The following EML4 variants were observed in gnomAD, a reference collection of about 807,000 sequenced individuals.
The protein encoded by EML4 is EMAP like 4, also known as echinoderm microtubule-associated protein-like 4.
A neutral mutation model predicts 129.0 loss-of-function variants in EML4; 72 were observed. The observed-to-expected ratio is 0.56, with a 90% CI of 0.46 to 0.68. EML4 has a LOEUF of 0.68. Among genes scored for constraint, EML4 ranks in the 30% least tolerant of loss-of-function variants. The probability of loss-of-function intolerance (pLI) is 0.00; values close to 1 mark genes in which losing one functional copy is unlikely to be tolerated. For missense variants in EML4, 1,363 were observed against 1,190.6 expected (o/e 1.14, Z -2.13); for synonymous variants, 532 against 405.0 (o/e 1.31, Z -3.77).
intron 1 of EML4, among the ~76,000 whole-genome samples, chr2:42,214,268 C>G (rs993203859): frequency 6.6e-6 from 1 of 152,050 alleles, no homozygotes; most frequent in Non-Finnish European, 1.5e-5. Flanking sequence ...TGAATATCAT[C>G]CAAAGTATAA....
intron 6 of EML4, chr2:42,265,039 C>A: frequency 8.1e-7 from 1 of 1,237,150 alleles, no homozygotes; most frequent in African/African-American, 1.5e-5. Flanking sequence ...TGCTGCCTGA[C>A]TTTCTTCCTT....
chr2:42,294,429 C>G (rs944302435), intron 11 of EML4, among the ~76,000 whole-genome samples: 1 of 152,236 alleles, frequency 6.6e-6, no homozygotes, highest in Non-Finnish European at 1.5e-5. Context: ...GGCGCAATGG[C>G]TCATGCCTGT....
rs372183473 is a variant in EML4, at chr2:42,295,179, A to G, written c.1273A>G (p.Ile425Val). ...GTTTCACCCAACAGATGCAAATACC[A>G]TAATTACATGCGGTAAATCTCATAT... ...VEFHPTDANT[I>V]ITCGKSHIFF... The change falls in exon 12 of 23, where the codon ATA (isoleucine) becomes GTA (valine). Residue 425 changes from isoleucine to valine, a missense_variant. Physicochemically the swap from Ile to Val is conservative, Grantham distance 29. Transcript: ENST00000318522. 13 of 1,612,986 alleles carry G rather than the reference A, an allele frequency of 8.1e-6. No individual in the cohort carries two copies. The East Asian group carries it at 1.8e-4, about 22-fold the overall frequency.
chr2:42,320,417 C>G (rs1430591797), intron 19 of EML4, among the ~76,000 whole-genome samples: 1 of 151,818 alleles, frequency 6.6e-6, no homozygotes, highest in Non-Finnish European at 1.5e-5. Context: ...TGTTAAGTAA[C>G]TTCAGAAAAG....
intron 1 of EML4, among the ~76,000 whole-genome samples, chr2:42,204,734 GT>G (rs1050068341): frequency 1.3e-5 from 2 of 152,120 alleles, no homozygotes; most frequent in Admixed American, 1.3e-4. Context: ...TGCTGTATTT[GT>G]TTTTTCTCCC....
intron 1 of EML4, among the ~76,000 whole-genome samples, chr2:42,223,821 A>G (rs2104131750): frequency 6.6e-6 from 1 of 152,280 alleles, no homozygotes; most frequent in Admixed American, 6.5e-5. Flanking sequence ...ATATTATGAA[A>G]AAGTTGAAGT....
At chr2:42,285,899 G>C in intron 9 of EML4, 2 of 222,660 alleles carry the variant, frequency 9.0e-6, no homozygotes, top group South Asian at 1.4e-4. Context: ...GTGCCTGGCC[G>C]ACTCAACCTT....
rs765053633 is a variant in EML4, at chr2:42,329,718, G to A, written c.2473-16G>A. ...ATGAGTTTAATTTTCCTGTCTGTCT[G>A]ATTTATTTCATATAGGCTCCCAGTC... On this transcript the variant is annotated splice_polypyrimidine_tract_variant and intron_variant, in intron 22 of 22. Coordinates refer to ENST00000318522, the MANE Select transcript of EML4 (RefSeq NM_019063.5). The A allele has an allele frequency of 2.5e-6, 4 of 1,603,506 alleles. No individual in the cohort carries two copies. The highest frequency in any genetic ancestry group is 2.7e-5 in the African/African-American group (2 of 74,600).
At chr2:42,171,757 G>T (rs2103780390) in intron 1 of EML4, among the ~76,000 whole-genome samples, 1 of 152,252 alleles carries the variant, frequency 6.6e-6, no homozygotes, top group South Asian at 2.1e-4. Flanking sequence ...AGTATTTCTG[G>T]AGCTGTTCTT....
chr2:42,271,355 C>G (rs7591038), intron 6 of EML4, among the ~76,000 whole-genome samples: 1,759 of 152,266 alleles, frequency 0.012, 34 homozygotes, highest in African/African-American at 0.04. Flanking sequence ...GGCCGCTGGT[C>G]TCGCCATCTG....
chr2:42,264,559 A>G, intron 5 of EML4, 147 bp from the exon 6 acceptor site: 3 of 619,724 alleles, frequency 4.8e-6, no homozygotes, highest in Non-Finnish European at 8.7e-6. Flanking sequence ...GAGAAACTTT[A>G]AAAAATGCTG....
chr2:42,178,079 T>C (rs1301559433), intron 1 of EML4, among the ~76,000 whole-genome samples: 1 of 152,182 alleles, frequency 6.6e-6, no homozygotes, highest in East Asian at 1.9e-4. Context: ...TTGACAAGTT[T>C]TTAGAATCTG....
At chr2:42,234,252 C>T (rs1674523026) in intron 1 of EML4, among the ~76,000 whole-genome samples, 1 of 152,166 alleles carries the variant, frequency 6.6e-6, no homozygotes, top group South Asian at 2.1e-4. Context: ...TGTGGTAGGC[C>T]ATCTGGACTG....
intron 6 of EML4, among the ~76,000 whole-genome samples, chr2:42,273,815 G>A (rs532342412): frequency 6.6e-5 from 10 of 152,046 alleles, no homozygotes; most frequent in African/African-American, 1.9e-4. Flanking sequence ...AGTTTATTTG[G>A]TTATCTACAT....
intron 1 of EML4, among the ~76,000 whole-genome samples, chr2:42,174,016 C>CT (rs1356982903): frequency 6.6e-6 from 1 of 152,142 alleles, no homozygotes; most frequent in African/African-American, 2.4e-5. Context: ...CTCTGCAGAG[C>CT]TTGGCTTTTT....
chr2:42,285,888 C>T (rs1323148946), intron 9 of EML4: 4 of 218,952 alleles, frequency 1.8e-5, no homozygotes, highest in South Asian at 6.9e-5. Context: ...TGTGGGCCCC[C>T]GTGCCTGGCC....
At chr2:42,308,985 T>C (rs145510702) in intron 17 of EML4, among the ~76,000 whole-genome samples, 1 of 152,242 alleles carries the variant, frequency 6.6e-6, no homozygotes, top group South Asian at 2.1e-4. Context: ...ACATAGGGGT[T>C]ATTTCCACTT....
intron 1 of EML4, among the ~76,000 whole-genome samples, chr2:42,204,929 T>A (rs1212632440): frequency 6.6e-6 from 1 of 152,144 alleles, no homozygotes; most frequent in Non-Finnish European, 1.5e-5. Context: ...GATTATGGGG[T>A]CCCTTTAATA....
intron 16 of EML4, 48 bp from the exon 17 acceptor site, chr2:42,304,436 G>T: frequency 2.0e-6 from 3 of 1,474,744 alleles, no homozygotes; most frequent in Non-Finnish European, 2.8e-6. Flanking sequence ...TGTCCCCATA[G>T]GGAGACTTTC....
Sources: allele counts gnomAD v4.1 joint callset (sites outside exome capture counted in the v4.1 genomes callset), GRCh38; gene constraint gnomAD v4.1.1; transcripts MANE v1.5; gene names NCBI Gene and HGNC (gene_info 2026-07-23, HGNC 2026-07-21).